ANK2: variants seen among roughly 807,000 people sequenced by gnomAD.
The protein encoded by ANK2 is ankyrin-2.
A neutral mutation model predicts 360.5 loss-of-function variants in ANK2; 83 were observed. The ratio of observed to expected loss-of-function variants is 0.23; its 90% CI spans 0.19 to 0.28. The LOEUF (loss-of-function observed/expected upper bound fraction) is 0.28. ANK2 is among the 10% of genes least tolerant of loss of function. The pLI, the probability that ANK2 is intolerant of heterozygous loss-of-function variation, is 1.00. For synonymous variants in ANK2, 1,740 were observed against 1,759.5 expected (o/e 0.99, Z 0.28); for missense variants, 4,201 against 4,795.7 (o/e 0.88, Z 3.66).
rs75050054 is a variant in ANK2, at chr4:113,145,903, C to T, written c.85-28513C>T. On this transcript the variant is annotated intron_variant, in intron 1 of 45. Transcript: ENST00000357077. ...GCAGCCCTCTGCTCTTCTTGCCATG[C>T]GGATAAGAGCATAAGAGCACAAGGA... 645 of 1,289,696 alleles carry T rather than the reference C, an allele frequency of 5.0e-4. 2 individuals carry two copies. The African/African-American group carries it at 8.0e-3, about 16-fold the overall frequency. The allele number at this position is 1,289,696 out of a possible 1,614,324, so 79.9% of individuals were successfully genotyped here.
chr4:112,958,148 C>T (rs1015931569), intron 2 of ANK2, among the ~76,000 whole-genome samples: 5 of 146,080 alleles, frequency 3.4e-5, no homozygotes, highest in Admixed American at 2.7e-4. Flanking sequence ...ACGTCCCAGA[C>T]GATGGGCGGC....
the ANK2 span, among the ~76,000 whole-genome samples, chr4:112,714,864 G>A: frequency 3.3e-5 from 5 of 152,190 alleles, no homozygotes; most frequent in East Asian, 1.9e-4. Flanking sequence ...CTAGTGACAC[G>A]TATAGCCTTG....
At chr4:112,957,893 G>C (rs1191584949) in intron 2 of ANK2, among the ~76,000 whole-genome samples, 2 of 151,804 alleles carry the variant, frequency 1.3e-5, no homozygotes, top group Non-Finnish European at 2.9e-5. Context: ...CAGCCGGGCA[G>C]AGATGCTCCT....
intron 1 of ANK2, among the ~76,000 whole-genome samples, chr4:112,825,668 A>G (rs2058270447): frequency 6.6e-6 from 1 of 152,250 alleles, no homozygotes; most frequent in African/African-American, 2.4e-5. Flanking sequence ...AGAAAATCAT[A>G]AACCAAATTC....
the ANK2 span, among the ~76,000 whole-genome samples, chr4:112,755,349 C>T: frequency 6.6e-6 from 1 of 152,214 alleles, no homozygotes; most frequent in Non-Finnish European, 1.5e-5. Flanking sequence ...TGTATTGTCT[C>T]ACATGTCCAT....
chr4:113,048,457 T>G (rs1580007475), upstream of ANK2, among the ~76,000 whole-genome samples: 1 of 142,640 alleles, frequency 7.0e-6, no homozygotes, highest in African/African-American at 2.6e-5. Context: ...GTATTTTTAG[T>G]AGAGGCAGGG....
chr4:112,923,099 A>C (rs2091909688), intron 2 of ANK2, among the ~76,000 whole-genome samples: 3 of 152,184 alleles, frequency 2.0e-5, no homozygotes, highest in Admixed American at 6.5e-5. Flanking sequence ...CGTAGTGGAC[A>C]CATTATTCTA....
chr4:113,342,958 T>C (rs2094456627), intron 33 of ANK2, 59 bp from the exon 34 acceptor site: 3 of 1,605,950 alleles, frequency 1.9e-6, no homozygotes, highest in Non-Finnish European at 2.6e-6. Flanking sequence ...CACTTCTTTG[T>C]GTAAACAACA....
At chr4:113,330,053 GAAC>G (rs1399003571) in intron 26 of ANK2, among the ~76,000 whole-genome samples, 190 bp from the exon 27 acceptor site, 1 of 151,902 alleles carries the variant, frequency 6.6e-6, no homozygotes, top group East Asian at 1.9e-4. Context: ...ATAAAAATTA[GAAC>G]AACAACAAAA....
chr4:113,380,030 T>G (rs1212845977), intron 45 of ANK2, among the ~76,000 whole-genome samples: 1 of 152,204 alleles, frequency 6.6e-6, no homozygotes, highest in Non-Finnish European at 1.5e-5. Flanking sequence ...TTGGTCCCAC[T>G]GTGTGCTAAT....
intron 23 of ANK2, among the ~76,000 whole-genome samples, chr4:113,308,225 C>T (rs1391873597): frequency 6.6e-6 from 1 of 152,188 alleles, no homozygotes; most frequent in East Asian, 1.9e-4. Flanking sequence ...TTTAAATCAT[C>T]TTTTCTCCCC....
intron 26 of ANK2, among the ~76,000 whole-genome samples, chr4:113,324,681 A>G (rs2088719018): frequency 6.6e-6 from 1 of 152,196 alleles, no homozygotes; most frequent in African/African-American, 2.4e-5. Context: ...GGAAGGAATT[A>G]AGGGAATTAC....
intron 1 of ANK2, among the ~76,000 whole-genome samples, chr4:113,161,272 G>A (rs979844852): frequency 4.6e-5 from 7 of 152,258 alleles, no homozygotes; most frequent in African/African-American, 1.7e-4. Flanking sequence ...TAATAACTAC[G>A]TGGATTTTTG....
intron 2 of ANK2, among the ~76,000 whole-genome samples, chr4:113,181,423 C>G (rs1323477761): frequency 6.6e-6 from 1 of 152,086 alleles, no homozygotes; most frequent in African/African-American, 2.4e-5. Context: ...AACTCAGGCA[C>G]GCTATTTGTT....
intron 2 of ANK2, among the ~76,000 whole-genome samples, chr4:112,936,677 G>C (rs2093756155): frequency 6.6e-6 from 1 of 152,110 alleles, no homozygotes; most frequent in African/African-American, 2.4e-5. Flanking sequence ...TTTTAGTCTT[G>C]CAAACTTATG....
chr4:113,048,048 A>T (rs1554071748), upstream of ANK2, among the ~76,000 whole-genome samples: 2 of 151,768 alleles, frequency 1.3e-5, no homozygotes, highest in Non-Finnish European at 1.5e-5. Context: ...CAATAGCAAC[A>T]CATTTACATA....
chr4:113,378,058 G>A, intron 45 of ANK2: 1 of 1,089,214 alleles, frequency 9.2e-7, no homozygotes, highest in Non-Finnish European at 1.2e-6. Flanking sequence ...AGTTTATGAT[G>A]AGCTTTGTCT....
chr4:112,912,849 A>AAAAT (rs967168019), intron 2 of ANK2, among the ~76,000 whole-genome samples: 8 of 152,024 alleles, frequency 5.3e-5, no homozygotes, highest in East Asian at 1.9e-4. Context: ...CCATGTCTTT[A>AAAAT]AAATAAATAA....
rs75886729 is a variant in ANK2, at chr4:112,989,861, A to C, written c.21+85347A>C. Among the ~76,000 whole-genome samples, 6 of 152,366 alleles carry C rather than the reference A, an allele frequency of 3.9e-5. No homozygotes were observed. The East Asian group carries it at 1.2e-3, about 29-fold the overall frequency. The stretch of plus-strand genomic sequence containing the variant: ...CATATTTTTTGACTTTGGACAGTTC[A>C]TGACGGTATCCTTCCAAGATTAAAT... On this transcript the variant is annotated intron_variant, in intron 2 of 30. Coordinates refer to the ANK2 transcript ENST00000503271.
Sources: allele counts gnomAD v4.1 joint callset (sites outside exome capture counted in the v4.1 genomes callset), GRCh38; gene constraint gnomAD v4.1.1; transcripts MANE v1.5; gene names NCBI Gene and HGNC (gene_info 2026-07-23, HGNC 2026-07-21).